Variants in TMEM74 observed in about 807,000 individuals in gnomAD.
The protein encoded by TMEM74 is transmembrane protein 74.
In TMEM74, 13 loss-of-function variants were observed where a neutral mutation model predicts 18.1. The observed-to-expected ratio is 0.72, with a 90% CI of 0.47 to 1.14. The LOEUF is 1.14. TMEM74 is among the 50% of genes most tolerant of loss of function. The probability of loss-of-function intolerance (pLI) is 0.00; values close to 1 mark genes in which losing one functional copy is unlikely to be tolerated. For missense variants in TMEM74, 372 were observed against 375.9 expected, an observed-to-expected ratio of 0.99 and a Z score of 0.09; for synonymous variants, 159 against 146.6, an observed-to-expected ratio of 1.08 and a Z score of -0.61.
intron 1 of TMEM74, among the ~76,000 whole-genome samples, chr8:108,703,324 T>G (rs2130617107): frequency 6.6e-6 from 1 of 152,286 alleles, no homozygotes; most frequent in African/African-American, 2.4e-5. Context: ...TTGAGTATAT[T>G]AAGATGAAGA....
At chr8:108,744,809 T>C (rs527895851) in intron 1 of TMEM74, among the ~76,000 whole-genome samples, 2 of 152,178 alleles carry the variant, frequency 1.3e-5, no homozygotes, top group African/African-American at 4.8e-5. Flanking sequence ...GCAAAGAATT[T>C]ACTTATGAGT....
intron 3 of TMEM74, among the ~76,000 whole-genome samples, chr8:108,608,186 C>T (rs773239279): frequency 5.3e-5 from 8 of 151,284 alleles, no homozygotes; most frequent in East Asian, 1.9e-4. Flanking sequence ...CCTGTAGTCC[C>T]GGCTATTCGA....
intron 1 of TMEM74, among the ~76,000 whole-genome samples, chr8:108,716,371 T>C (rs1222740111): frequency 6.6e-6 from 1 of 152,038 alleles, no homozygotes; most frequent in African/African-American, 2.4e-5. Context: ...ATTCAAAAAC[T>C]CTTTCATCAC....
chr8:108,639,983 A>G (rs527279586), intron 2 of TMEM74, among the ~76,000 whole-genome samples: 2 of 152,194 alleles, frequency 1.3e-5, no homozygotes, highest in Non-Finnish European at 2.9e-5. Context: ...CATCTTTGAT[A>G]TCACCACGCA....
intron 1 of TMEM74, among the ~76,000 whole-genome samples, chr8:108,698,820 CTG>C (rs1281983827): frequency 6.6e-6 from 1 of 152,028 alleles, no homozygotes; most frequent in African/African-American, 2.4e-5. Flanking sequence ...TGTACTGACT[CTG>C]TTCTTAAATA....
At chr8:108,649,388 T>A (rs1234944476) in intron 2 of TMEM74, among the ~76,000 whole-genome samples, 2 of 152,008 alleles carry the variant, frequency 1.3e-5, no homozygotes, top group Non-Finnish European at 2.9e-5. Flanking sequence ...AGATGGCAAA[T>A]AAAAAGTAGG....
chr8:108,706,553 T>C (rs905523367), intron 1 of TMEM74, among the ~76,000 whole-genome samples: 10 of 152,224 alleles, frequency 6.6e-5, no homozygotes, highest in African/African-American at 1.4e-4. Context: ...GTGGGAATCA[T>C]TGACCCTTAA....
intron 2 of TMEM74, among the ~76,000 whole-genome samples, chr8:108,615,598 G>A (rs1586234478): frequency 6.6e-6 from 1 of 152,202 alleles, no homozygotes; most frequent in East Asian, 1.9e-4. Flanking sequence ...CATTTATTAG[G>A]AAGCATCCTG....
At chr8:108,616,743 T>C (rs1311141682) in intron 2 of TMEM74, among the ~76,000 whole-genome samples, 1 of 152,028 alleles carries the variant, frequency 6.6e-6, no homozygotes, top group Non-Finnish European at 1.5e-5. Flanking sequence ...GAACTTTGAT[T>C]TGTTATGTAG....
intron 1 of TMEM74, among the ~76,000 whole-genome samples, chr8:108,730,876 C>T (rs1413282011): frequency 6.6e-6 from 1 of 152,028 alleles, no homozygotes; most frequent in African/African-American, 2.4e-5. Flanking sequence ...TGTGATCCGC[C>T]CGCCTCGGCT....
At chr8:108,657,873 T>TATATATATATATATATATATTAATTAC (rs1563742287) in intron 1 of TMEM74, among the ~76,000 whole-genome samples, 12 of 50,784 alleles carry the variant, frequency 2.4e-4, no homozygotes, top group African/African-American at 1.0e-3. Flanking sequence ...TATATATATA[T>TATATATATATATATATATATTAATTAC]ATATATATAT....
At chr8:108,706,872 T>C (rs1813420661) in intron 1 of TMEM74, among the ~76,000 whole-genome samples, 1 of 151,086 alleles carries the variant, frequency 6.6e-6, no homozygotes, top group Non-Finnish European at 1.5e-5. Flanking sequence ...GACACTAAGA[T>C]AAAAGTACAA....
chr8:108,665,730 C>G (rs1159573606), intron 1 of TMEM74, among the ~76,000 whole-genome samples: 1 of 152,114 alleles, frequency 6.6e-6, no homozygotes, highest in Non-Finnish European at 1.5e-5. Flanking sequence ...GTCTAAGGAA[C>G]AGCAAAGGCT....
chr8:108,678,366 A>G (rs997045252), intron 1 of TMEM74, among the ~76,000 whole-genome samples: 9 of 151,844 alleles, frequency 5.9e-5, no homozygotes, highest in African/African-American at 1.9e-4. Context: ...CATTATTATT[A>G]TTTATTTTTA....
intron 1 of TMEM74, among the ~76,000 whole-genome samples, chr8:108,744,049 C>T (rs1444623903): frequency 2.0e-5 from 3 of 152,120 alleles, no homozygotes; most frequent in Non-Finnish European, 4.4e-5. Flanking sequence ...AGTGCACCTG[C>T]GCCCTGGGAG....
chr8:108,769,540 G>C (rs1439661801), intron 1 of TMEM74, among the ~76,000 whole-genome samples: 1 of 151,948 alleles, frequency 6.6e-6, no homozygotes, highest in African/African-American at 2.4e-5. Context: ...TTCTCATATA[G>C]AGTAGTGGGT....
At chr8:108,683,063 C>T (rs2130600707) in intron 1 of TMEM74, among the ~76,000 whole-genome samples, 1 of 151,808 alleles carries the variant, frequency 6.6e-6, no homozygotes, top group African/African-American at 2.4e-5. Flanking sequence ...TAATAAAAAA[C>T]AAATGCAGGA....
chr8:108,725,719 G>A (rs914645542), intron 1 of TMEM74, among the ~76,000 whole-genome samples: 1 of 152,256 alleles, frequency 6.6e-6, no homozygotes, highest in Admixed American at 6.5e-5. Context: ...GAGGAAAGTA[G>A]GGTCAAGAGA....
chr8:108,695,636 G>A (rs531228734), intron 1 of TMEM74, among the ~76,000 whole-genome samples: 54 of 152,230 alleles, frequency 3.5e-4, no homozygotes, highest in South Asian at 1.9e-3. Flanking sequence ...CCATTACAAA[G>A]CCCATGCCCT....
Sources: allele counts gnomAD v4.1 joint callset (sites outside exome capture counted in the v4.1 genomes callset), GRCh38; gene constraint gnomAD v4.1.1; transcripts MANE v1.5; gene names NCBI Gene and HGNC (gene_info 2026-07-23, HGNC 2026-07-21).